ZBTB38: variants seen among roughly 807,000 people sequenced by gnomAD.
ZBTB38 encodes zinc finger and BTB domain containing 38.
In ZBTB38, 20 loss-of-function variants were observed where a neutral mutation model predicts 76.8. That is an observed-to-expected ratio of 0.26 (90% CI 0.18 to 0.38). ZBTB38 has a LOEUF of 0.38. ZBTB38 is among the 10% of genes least tolerant of loss of function. The probability of loss-of-function intolerance (pLI) is 1.00; values close to 1 mark genes in which losing one functional copy is unlikely to be tolerated. For missense variants in ZBTB38, 1,082 were observed against 1,482.3 expected, an observed-to-expected ratio of 0.73 and a Z score of 4.43; for synonymous variants, 504 against 544.2, an observed-to-expected ratio of 0.93 and a Z score of 1.03.
At chr3:141,417,793 G>C (rs1443307138) in intron 5 of ZBTB38, among the ~76,000 whole-genome samples, 1 of 152,142 alleles carries the variant, frequency 6.6e-6, no homozygotes, top group East Asian at 1.9e-4. Context: ...AAGCAGGCTT[G>C]ATCACGAGGT....
chr3:141,436,502 G>T (rs79767329), intron 5 of ZBTB38, among the ~76,000 whole-genome samples: 4,441 of 151,896 alleles, frequency 0.029, 79 homozygotes, highest in Non-Finnish European at 0.045. Context: ...AAGCTATATT[G>T]ATTTTTTTTG....
intron 5 of ZBTB38, among the ~76,000 whole-genome samples, chr3:141,428,680 T>A (rs2076859283): frequency 6.6e-6 from 1 of 152,168 alleles, no homozygotes; most frequent in Admixed American, 6.5e-5. Context: ...TTCACCATGT[T>A]GGTCAGGCTT....
intron 5 of ZBTB38, among the ~76,000 whole-genome samples, chr3:141,423,810 A>G (rs995554288): frequency 2.6e-5 from 4 of 152,228 alleles, no homozygotes; most frequent in African/African-American, 9.6e-5. Context: ...TGAGACTTAA[A>G]TGAAAAAGAT....
chr3:141,442,040 A>G lies in ZBTB38; in HGVS notation c.1-349A>G, dbSNP rs7626871. 0.082 allele frequency among the ~76,000 whole-genome samples: 12,496 copies of G among 151,794 alleles called. 851 individuals are homozygous for G. Among genetic ancestry groups the G allele is most frequent in the East Asian group, 0.24 (1,251 of 5,152 alleles). ...CCCAGCTCTAGTAGTTCAAAGCAGC[A>G]GCCTTGAATGATGATGAGACCCTTA... On this transcript the variant is annotated intron_variant, in intron 5 of 5. Coordinates refer to ENST00000321464, the MANE Select transcript of ZBTB38 (RefSeq NM_001376113.1). The surrounding 1 kb of genome is among the most constrained non-coding windows in gnomAD (Gnocchi z 6.4).
At chr3:141,336,513 T>G (rs1209258330) in intron 1 of ZBTB38, among the ~76,000 whole-genome samples, 1 of 152,222 alleles carries the variant, frequency 6.6e-6, no homozygotes, top group African/African-American at 2.4e-5. Flanking sequence ...TTTTTTTAAT[T>G]AATTCATTTA....
rs759438602 is a variant in ZBTB38 at position 141,444,156 on chromosome 3, C to T, written c.1768C>T (p.Arg590Ter). Reference sequence around the variant, plus strand: ...CCGAAATTCTTCCTATGAAAATGCACGAGAAAACAGTCAAATGAATGAGTC... The same window carrying T: ...CCGAAATTCTTCCTATGAAAATGCATGAGAAAACAGTCAAATGAATGAGTC... ...SYRNSSYENARENSQMNESAP... is the reference protein window; with the variant it reads ...SYRNSSYENA Residue 590 changes from arginine (R) to a stop codon, truncating the protein, a stop_gained, in exon 6 of 6, where the codon CGA becomes TGA. Coordinates refer to ENST00000321464, the MANE Select transcript of ZBTB38 (RefSeq NM_001376113.1). LOFTEE classifies it high-confidence loss of function. This position sits in a 1 kb window ranked among gnomAD's most constrained non-coding sequence, Gnocchi z 5.1. The T allele has an allele frequency of 1.2e-6, 2 of 1,613,802 alleles. No individual in the cohort carries two copies. Among genetic ancestry groups the T allele is most frequent in the Non-Finnish European group, 1.7e-6 (2 of 1,179,914 alleles).
chr3:141,360,305 T>A (rs1943782603), intron 1 of ZBTB38, among the ~76,000 whole-genome samples: 1 of 152,188 alleles, frequency 6.6e-6, no homozygotes, highest in Non-Finnish European at 1.5e-5. Context: ...ACAAGCAAAG[T>A]CAAAAGAATC....
intron 4 of ZBTB38, among the ~76,000 whole-genome samples, chr3:141,401,947 G>A (rs956952087): frequency 6.6e-6 from 1 of 152,356 alleles, no homozygotes. Flanking sequence ...TGATGCAATT[G>A]AAACAGCGAC....
chr3:141,373,695 T>C (rs1944951435), intron 2 of ZBTB38, among the ~76,000 whole-genome samples: 1 of 152,212 alleles, frequency 6.6e-6, no homozygotes, highest in Non-Finnish European at 1.5e-5. Flanking sequence ...AAGAAGCTTC[T>C]GGTTTTCATC....
Position 141,445,286 on chromosome 3 carries a change from T to G in ZBTB38, c.2898T>G (p.Pro966=), listed in dbSNP as rs759422611. The G allele has an allele frequency of 8.7e-6, 14 of 1,614,146 alleles. No individual in the cohort carries two copies. In the South Asian group the frequency reaches 1.5e-4, roughly 18 times the overall value. Residue 966 remains proline, a synonymous_variant, in exon 6 of 6, where the codon CCT becomes CCG. Transcript: ENST00000321464. The surrounding 1 kb of genome is among the most constrained non-coding windows in gnomAD (Gnocchi z 6.5). ...TGGATTGCGCCGTGGGGAAGGCTCC[T>G]CAGGATAAACCCTTTGAGGAAGAAG... ...AELDCAVGKA[P]QDKPFEEEET...
upstream of ZBTB38, among the ~76,000 whole-genome samples, chr3:141,365,601 A>G (rs1943943055): frequency 6.6e-6 from 1 of 152,218 alleles, no homozygotes; most frequent in South Asian, 2.1e-4. Context: ...TTAAATTTCA[A>G]CATGAGTTTT....
chr3:141,344,033 G>T (rs1285806977), intron 1 of ZBTB38, among the ~76,000 whole-genome samples: 4 of 152,298 alleles, frequency 2.6e-5, no homozygotes, highest in East Asian at 3.9e-4. Flanking sequence ...CATGTCTCCT[G>T]GTTACCTTAG....
Position 141,446,109 on chromosome 3 carries a change from AAATTCCAG to A in ZBTB38, c.*136_*143del. 1.4e-5 allele frequency: 12 copies of A among 871,390 alleles called. No individual in the cohort carries two copies. Among genetic ancestry groups the A allele is most frequent in the Non-Finnish European group, 1.9e-5 (12 of 621,238 alleles). The allele number at this position is 871,390 out of a possible 1,614,324, so 54.0% of individuals were successfully genotyped here. A position where few individuals can be genotyped will look rare whatever the true frequency, so the allele number is the denominator to read the frequency against. The stretch of plus-strand genomic sequence containing the variant: ...AAAAAAAAAAAAAACTCATTTGTGA[AAATTCCAG>A]AAAAAGGATCCTAATATCTACTTTG... On this transcript the variant is annotated 3_prime_UTR_variant, in exon 6 of 6. Coordinates refer to ENST00000321464, the MANE Select transcript of ZBTB38 (RefSeq NM_001376113.1).
At chr3:141,369,995 T>C (rs927990127) in intron 2 of ZBTB38, 49 bp downstream of exon 2, 2 of 152,104 alleles carry the variant, frequency 1.3e-5, no homozygotes, top group Admixed American at 1.3e-4. Flanking sequence ...GTCTCCCAAT[T>C]CTCCTTTTTT....
At chr3:141,333,560 C>T (rs1942917455) in intron 1 of ZBTB38, among the ~76,000 whole-genome samples, 1 of 152,090 alleles carries the variant, frequency 6.6e-6, no homozygotes, top group South Asian at 2.1e-4. Flanking sequence ...CATGCCTAAT[C>T]AGTGAGAGGA....
intron 5 of ZBTB38, among the ~76,000 whole-genome samples, chr3:141,419,711 G>C (rs987207215): frequency 4.6e-5 from 7 of 152,170 alleles, no homozygotes; most frequent in Non-Finnish European, 1.0e-4. Context: ...TGTAGGCCAG[G>C]CACAGTGGCT....
chr3:141,332,828 A>G (rs1268392106), intron 1 of ZBTB38, among the ~76,000 whole-genome samples: 2 of 152,196 alleles, frequency 1.3e-5, no homozygotes, highest in Non-Finnish European at 2.9e-5. Context: ...TTTGAAAACT[A>G]CTGGAAACTA....
In ZBTB38 at chr3:141,445,561, G is replaced by A. The variant is rs774021554; in HGVS notation, c.3173G>A (p.Arg1058His). Residue 1058 changes from arginine (R) to histidine (H), a missense_variant, in exon 6 of 6, where the codon CGC (arginine) becomes CAC (histidine). By Grantham distance (29) the Arg-to-His change is conservative. Around this residue, in one of 8 missense-constraint regions of ZBTB38, gnomAD observed 69 missense variants for 148.2 expected, o/e 0.47. Transcript: ENST00000321464. This position sits in a 1 kb window ranked among gnomAD's most constrained non-coding sequence, Gnocchi z 6.5. The stretch of plus-strand genomic sequence containing the variant: ...CAAGGAAACTTACAGAAACATGAAC[G>A]CATCCACCTGGGCTTGAAGGAGTTC... ...SVQGNLQKHE[R>H]IHLGLKEFVC... The A allele has an allele frequency of 1.9e-6, 3 of 1,614,182 alleles. No individual in the cohort carries two copies. The highest frequency in any genetic ancestry group is 2.5e-6 in the Non-Finnish European group (3 of 1,180,030).
chr3:141,327,080 G>A (rs1942696774), intron 1 of ZBTB38, among the ~76,000 whole-genome samples: 1 of 152,188 alleles, frequency 6.6e-6, no homozygotes, highest in African/African-American at 2.4e-5. Flanking sequence ...TCCCTGTAAA[G>A]TCAGGCTCTA....
Sources: allele counts gnomAD v4.1 joint callset (sites outside exome capture counted in the v4.1 genomes callset), GRCh38; gene constraint gnomAD v4.1.1; regional missense constraint gnomAD v4.1.1; non-coding constraint Gnocchi (gnomAD v3.1); transcripts MANE v1.5; gene names NCBI Gene and HGNC (gene_info 2026-07-23, HGNC 2026-07-21).